Variants in RANBP2 observed in about 807,000 individuals in gnomAD.
RANBP2 encodes E3 SUMO-protein ligase RanBP2.
Under a neutral mutation model 303.6 loss-of-function variants are expected in RANBP2, and 57 were observed. That is an observed-to-expected ratio of 0.19 (90% CI 0.15 to 0.23). RANBP2 has a LOEUF of 0.23. Ranked by LOEUF, RANBP2 falls within the 10% of genes least tolerant of loss-of-function variation. The pLI, the probability that RANBP2 is intolerant of heterozygous loss-of-function variation, is 1.00. For missense variants in RANBP2, 3,138 were observed against 3,780.8 expected, an observed-to-expected ratio of 0.83 and a Z score of 4.46; for synonymous variants, 1,167 against 1,301.5, an observed-to-expected ratio of 0.90 and a Z score of 2.23.
the RANBP2 span, chr2:109,449,291 G>A: frequency 1.5e-4 from 244 of 1,608,434 alleles, 1 homozygote; most frequent in Middle Eastern, 1.7e-4. Flanking sequence ...TGGTGTCCCC[G>A]CAGCACAGCC....
chr2:109,575,344 T>C, the RANBP2 span, among the ~76,000 whole-genome samples: 2 of 152,236 alleles, frequency 1.3e-5, no homozygotes, highest in African/African-American at 2.4e-5. Flanking sequence ...CTTTGCCTCT[T>C]AGATTTATAA....
the RANBP2 span, among the ~76,000 whole-genome samples, chr2:109,304,530 A>G: frequency 6.6e-6 from 1 of 152,064 alleles, no homozygotes; most frequent in African/African-American, 2.4e-5. Context: ...GGTGTCAGTG[A>G]TGTTGGCTCT....
the RANBP2 span, among the ~76,000 whole-genome samples, chr2:109,599,458 CAA>C: frequency 3.9e-4 from 25 of 63,298 alleles, no homozygotes; most frequent in Admixed American, 5.1e-4. Flanking sequence ...ACTCAGTCTC[CAA>C]AAAAAAAAAA....
chr2:109,186,055 C>T, the RANBP2 span, among the ~76,000 whole-genome samples: 3 of 152,182 alleles, frequency 2.0e-5, no homozygotes, highest in African/African-American at 4.8e-5. Context: ...TGTATTTAAC[C>T]CAGTGTCTTG....
At chr2:109,298,328 T>A in the RANBP2 span, among the ~76,000 whole-genome samples, 1 of 152,126 alleles carries the variant, frequency 6.6e-6, no homozygotes, top group South Asian at 2.1e-4. Context: ...TCTATGTCTG[T>A]CATCCTTGTC....
the RANBP2 span, among the ~76,000 whole-genome samples, chr2:109,056,632 C>T: frequency 1.3e-5 from 2 of 152,264 alleles, no homozygotes; most frequent in East Asian, 3.9e-4. Context: ...GATGGCTTTT[C>T]GAGGATTTAG....
chr2:109,157,670 G>A, the RANBP2 span, among the ~76,000 whole-genome samples: 1 of 152,198 alleles, frequency 6.6e-6, no homozygotes, highest in Admixed American at 6.5e-5. Flanking sequence ...ATGTGATTCA[G>A]TTGGTTACTG....
chr2:109,318,721 G>T, the RANBP2 span, among the ~76,000 whole-genome samples: 1 of 152,148 alleles, frequency 6.6e-6, no homozygotes, highest in Non-Finnish European at 1.5e-5. Context: ...GGCTGCCCTG[G>T]CCAGCCGCCA....
At chr2:109,635,898 G>GAATGTTGGTATACTCCAAGAATTCT in the RANBP2 span, among the ~76,000 whole-genome samples, 1 of 152,216 alleles carries the variant, frequency 6.6e-6, no homozygotes, top group Non-Finnish European at 1.5e-5. Context: ...GCTATGGCAT[G>GAATGTTGGTATACTCCAAGAATTCT]AATGTTGGTA....
At chr2:108,931,004 A>G in the RANBP2 span, 1 of 1,614,010 alleles carries the variant, frequency 6.2e-7, no homozygotes, top group African/African-American at 1.3e-5. Flanking sequence ...GCAGTCCCCC[A>G]CATGGGCCAT....
At chr2:109,080,081 G>A in the RANBP2 span, among the ~76,000 whole-genome samples, 1 of 152,210 alleles carries the variant, frequency 6.6e-6, no homozygotes, top group Non-Finnish European at 1.5e-5. Flanking sequence ...GAAATGTGGA[G>A]GCTTCGAGCT....
At chr2:108,780,591 G>C (rs1678187104) in intron 25 of RANBP2, among the ~76,000 whole-genome samples, 1 of 150,776 alleles carries the variant, frequency 6.6e-6, no homozygotes, top group Non-Finnish European at 1.5e-5. Context: ...GTGCAGTGGG[G>C]CAATCTCAGC....
chr2:109,424,595 A>G, the RANBP2 span, among the ~76,000 whole-genome samples: 1 of 152,174 alleles, frequency 6.6e-6, no homozygotes, highest in African/African-American at 2.4e-5. Flanking sequence ...TAATTCTTAT[A>G]ATATTTCAAA....
chr2:109,270,743 T>C, the RANBP2 span, among the ~76,000 whole-genome samples: 621 of 152,326 alleles, frequency 4.1e-3, 1 homozygote, highest in African/African-American at 0.014. Context: ...ACTCCTCTTA[T>C]GTAGATTGAC....
the RANBP2 span, among the ~76,000 whole-genome samples, chr2:108,834,682 C>A: frequency 2.0e-5 from 3 of 152,144 alleles, no homozygotes; most frequent in Non-Finnish European, 4.4e-5. Flanking sequence ...TGCTGTACAA[C>A]CATCATCGCT....
At chr2:109,131,740 A>G in the RANBP2 span, among the ~76,000 whole-genome samples, 1 of 152,198 alleles carries the variant, frequency 6.6e-6, no homozygotes, top group Admixed American at 6.5e-5. Flanking sequence ...GACATTTAGT[A>G]TTAGCAGGAA....
chr2:109,454,303 G>T, the RANBP2 span, among the ~76,000 whole-genome samples: 1 of 152,110 alleles, frequency 6.6e-6, no homozygotes, highest in African/African-American at 2.4e-5. Context: ...TTCAGAAAGC[G>T]CCTCAGCTGG....
the RANBP2 span, among the ~76,000 whole-genome samples, chr2:108,945,092 G>A: frequency 6.6e-6 from 1 of 152,154 alleles, no homozygotes; most frequent in African/African-American, 2.4e-5. Context: ...CAAAGGAGTT[G>A]TGACTATGTA....
At chr2:109,490,025 A>C in the RANBP2 span, among the ~76,000 whole-genome samples, 1 of 152,208 alleles carries the variant, frequency 6.6e-6, no homozygotes, top group African/African-American at 2.4e-5. Context: ...GGCATGAGCC[A>C]CCGTGCCCAG....
Sources: gnomAD v4.1 joint callset for allele counts (sites outside exome capture counted in the v4.1 genomes callset) on GRCh38, gnomAD v4.1.1 for gene constraint, MANE v1.5 for transcripts, NCBI Gene and HGNC (gene_info 2026-07-23, HGNC 2026-07-21) for gene names.